The following PCDHB10 variants were observed in gnomAD, a reference collection of about 807,000 sequenced individuals.
PCDHB10 encodes protocadherin beta-10.
For synonymous variants in PCDHB10, 448 were observed against 449.2 expected, an observed-to-expected ratio of 1.00 and a Z score of 0.04; for missense variants, 1,046 against 1,004.7, an observed-to-expected ratio of 1.04 and a Z score of -0.56.
At position 141,194,882 on chromosome 5, in the gene PCDHB10, AG is replaced by A. The variant is rs1554284553; in HGVS notation, c.2332del (p.Ala778HisfsTer28). 6.2e-7 allele frequency: 1 copy of A among 1,614,114 alleles called. No homozygotes were observed. Among genetic ancestry groups the A allele is most frequent in the South Asian group, 1.1e-5 (1 of 91,078 alleles). On this transcript the variant is annotated frameshift_variant, in exon 1 of 1. Coordinates refer to ENST00000239446, the MANE Select transcript of PCDHB10 (RefSeq NM_018930.4). LOFTEE classifies it low-confidence loss of function (END_TRUNC). ...KFLKPVISDI[Q>X]AQGPGRKGEE... Reference sequence around the variant, plus strand: ...TTGAAACCAGTTATTTCGGATATTCAGGCACAGGGCCCTGGGAGGAAGGGTG... The same window carrying A: ...TTGAAACCAGTTATTTCGGATATTCAGCACAGGGCCCTGGGAGGAAGGGTG...
rs1200209268 is a variant in PCDHB10 at position 141,194,867 on chromosome 5, T to G, written c.2315T>G (p.Val772Gly). Reference sequence around the variant, plus strand: ...AGTGAGTTCAAGTTCTTGAAACCAGTTATTTCGGATATTCAGGCACAGGGC... The same window carrying G: ...AGTGAGTTCAAGTTCTTGAAACCAGGTATTTCGGATATTCAGGCACAGGGC... ...GTSEFKFLKP[V>G]ISDIQAQGPG... The change falls in exon 1 of 1, where the codon GTT becomes GGT. Residue 772 changes from valine to glycine, a missense_variant. Coordinates refer to ENST00000239446, the MANE Select transcript of PCDHB10 (RefSeq NM_018930.4). 1.5e-5 allele frequency: 25 copies of G among 1,614,068 alleles called. No homozygotes were observed. Among genetic ancestry groups the G allele is most frequent in the Non-Finnish European group, 2.0e-5 (24 of 1,180,036 alleles).
rs1394745683 is a variant in PCDHB10, at chr5:141,192,507, G to A, written c.-46G>A. 2 of 1,587,884 alleles carry A rather than the reference G, an allele frequency of 1.3e-6. No individual in the cohort carries two copies. The highest frequency in any genetic ancestry group is 1.7e-6 in the Non-Finnish European group (2 of 1,167,992). On this transcript the variant is annotated 5_prime_UTR_variant, in exon 1 of 1. Coordinates refer to ENST00000239446, the MANE Select transcript of PCDHB10 (RefSeq NM_018930.4). ...TTTCCTACTGCTGTTCTTTTATGCT[G>A]GGAGCTGTGGCTGTAACCAACTAGG...
chr5:141,194,965 T>C lies in PCDHB10; in HGVS notation c.*10T>C, dbSNP rs782794656. On this transcript the variant is annotated 3_prime_UTR_variant, in exon 1 of 1. Transcript: ENST00000239446. ...ATTTAATATTCAGTAAAGTCTGTTT[T>C]TAGTTTCATATACTTTTGGTGTGTT... The C allele has an allele frequency of 5.4e-5, 86 of 1,578,668 alleles. No homozygotes were observed. In the Admixed American group the frequency reaches 1.5e-3, roughly 27 times the overall value.
chr5:141,195,072 A>G lies in PCDHB10; in HGVS notation c.*117A>G, dbSNP rs928798922. ...ACTTCAAGCATTATTTTCAAGTAGT[A>G]TACCCCTGTGGTTTTACAATGTTTC... On this transcript the variant is annotated 3_prime_UTR_variant, in exon 1 of 1. Transcript: ENST00000239446. 1 of 1,112,850 alleles carries G rather than the reference A, an allele frequency of 9.0e-7. No individual in the cohort carries two copies. The highest frequency in any genetic ancestry group is 1.3e-6 in the Non-Finnish European group (1 of 796,596). The allele number at this position is 1,112,850 out of a possible 1,614,324, so 68.9% of individuals were successfully genotyped here. A position where few individuals can be genotyped will look rare whatever the true frequency, so the allele number is the denominator to read the frequency against.
rs782384506 is a variant in PCDHB10 at position 141,193,882 on chromosome 5, G to A, written c.1330G>A (p.Val444Ile). ...CAACATAACGGTCCTGGTCTCCGAC[G>A]TCAATGACAACGCCCCCGCCTTCAC... Reference protein sequence around the residue: ...EHNITVLVSDVNDNAPAFTQT... With the variant: ...EHNITVLVSDINDNAPAFTQT... Residue 444 changes from valine (V) to isoleucine (I), a missense_variant, in exon 1 of 1, where the codon GTC (valine) becomes ATC (isoleucine). Coordinates refer to ENST00000239446, the MANE Select transcript of PCDHB10 (RefSeq NM_018930.4). 5.6e-6 allele frequency: 9 copies of A among 1,613,760 alleles called. No individual in the cohort carries two copies. The highest frequency in any genetic ancestry group is 3.3e-5 in the South Asian group (3 of 91,058).
In PCDHB10 at chr5:141,193,166, A is replaced by T. The variant is rs1554283989; in HGVS notation, c.614A>T (p.Gln205Leu). 1 of 1,614,030 alleles carries T rather than the reference A, an allele frequency of 6.2e-7. No individual in the cohort carries two copies. The highest frequency in any genetic ancestry group is 8.5e-7 in the Non-Finnish European group (1 of 1,180,034). Residue 205 changes from glutamine (Q) to leucine (L), a missense_variant, in exon 1 of 1, where the codon CAG (glutamine) becomes CTG (leucine). Coordinates refer to ENST00000239446, the MANE Select transcript of PCDHB10 (RefSeq NM_018930.4). ...VLDKALDREE[Q>L]GELSLTLTAL... The stretch of plus-strand genomic sequence containing the variant: ...GACAAAGCACTGGATCGGGAGGAGC[A>T]GGGAGAGCTCAGCTTAACCCTCACA...
In PCDHB10 at chr5:141,193,316, GC is replaced by G; in HGVS notation, c.768del (p.Ile257LeufsTer13). 6.2e-7 allele frequency: 1 copy of G among 1,614,066 alleles called. No homozygotes were observed. Among genetic ancestry groups the G allele is most frequent in the Non-Finnish European group, 8.5e-7 (1 of 1,179,996 alleles). On this transcript the variant is annotated frameshift_variant, in exon 1 of 1. Transcript: ENST00000239446. LOFTEE classifies it low-confidence loss of function (END_TRUNC). ...TATGAGACCCAGGCTCCAGAAAACA[GC>G]CCCATTGGGTTCCTTATTGTTAAGG... Reference protein sequence around the residue: ...ALYETQAPENSPIGFLIVKVW... With the variant: ...ALYETQAPENXPIGFLIVKVW...
Position 141,194,217 on chromosome 5 carries a change from C to G in PCDHB10, c.1665C>G (p.Asn555Lys), listed in dbSNP as rs549814048. The change falls in exon 1 of 1, where the codon AAC (asparagine) becomes AAG (lysine). Residue 555 changes from asparagine (N) to lysine (K), a missense_variant. Coordinates refer to ENST00000239446, the MANE Select transcript of PCDHB10 (RefSeq NM_018930.4). ...TGCGCGTGCTGGTGCTGGACGCCAA[C>G]GACAACTCGCCCTTCGTGCTGTACC... The part of the protein sequence containing the change: ...ALVRVLVLDA[N>K]DNSPFVLYPL... The G allele has an allele frequency of 4.4e-6, 7 of 1,603,754 alleles. No homozygotes were observed. The South Asian group carries it at 6.6e-5, about 15-fold the overall frequency.
Position 141,192,381 on chromosome 5 carries a change from A to G in PCDHB10, c.-172A>G, listed in dbSNP as rs184607678. The G allele has an allele frequency of 1.5e-4, 120 of 783,226 alleles. No homozygotes were observed. In the East Asian group the frequency reaches 2.6e-3, roughly 17 times the overall value. 48.5% of individuals were successfully genotyped at this position (783,226 alleles called of 1,614,324 possible). A position where few individuals can be genotyped will look rare whatever the true frequency, so the allele number is the denominator to read the frequency against. ...TGCTATGCAAGTCACTAATAAAGGA[A>G]GACACGGACAGATGAACTTAAAAGA... is the stretch of plus-strand genomic sequence containing the variant. On this transcript the variant is annotated 5_prime_UTR_variant, in exon 1 of 1. Coordinates refer to ENST00000239446, the MANE Select transcript of PCDHB10 (RefSeq NM_018930.4).
rs1753980064 is a variant in PCDHB10, at chr5:141,193,991, C to CAGA, written c.1439_1440insAGA (p.Ser480_Gly481insGlu). On this transcript the variant is annotated inframe_insertion, in exon 1 of 1. Transcript: ENST00000239446. The stretch of plus-strand genomic sequence containing the variant: ...AGCGTCAGCGCCACAGACAGAGACT[C>CAGA]GGGCACCAACGCCCAGGTCACCTAC... 6.2e-7 allele frequency: 1 copy of CAGA among 1,609,754 alleles called. No homozygotes were observed. Among genetic ancestry groups the CAGA allele is most frequent in the African/African-American group, 1.3e-5 (1 of 74,690 alleles).
rs1554284122 is a variant in PCDHB10, at chr5:141,193,613, A to T, written c.1061A>T (p.Asn354Ile). The T allele has an allele frequency of 6.2e-7, 1 of 1,613,732 alleles. No homozygotes were observed. The highest frequency in any genetic ancestry group is 8.5e-7 in the Non-Finnish European group (1 of 1,179,990). Residue 354 changes from asparagine to isoleucine, a missense_variant, in exon 1 of 1, where the codon AAC becomes ATC. Transcript: ENST00000239446. ...GAACTGATCGTATCATCATTTTCCA[A>T]CTCTGTTGCTGAGAATTCTCCTGAG... Reference protein sequence around the residue: ...PPELIVSSFSNSVAENSPETP... With the variant: ...PPELIVSSFSISVAENSPETP...
At position 141,193,987 on chromosome 5, in the gene PCDHB10, G is replaced by C. The variant is rs781938775; in HGVS notation, c.1435G>C (p.Asp479His). 4 of 1,610,262 alleles carry C rather than the reference G, an allele frequency of 2.5e-6. No homozygotes were observed. In the African/African-American group the frequency reaches 4.0e-5, roughly 16 times the overall value. The change falls in exon 1 of 1, where the codon GAC becomes CAC. Residue 479 changes from aspartate to histidine, a missense_variant. Physicochemically the swap from Asp to His is moderately conservative, Grantham distance 81. Coordinates refer to ENST00000239446, the MANE Select transcript of PCDHB10 (RefSeq NM_018930.4). The part of the protein sequence containing the change: ...HIGSVSATDR[D>H]SGTNAQVTYS... The stretch of plus-strand genomic sequence containing the variant: ...CGGCAGCGTCAGCGCCACAGACAGA[G>C]ACTCGGGCACCAACGCCCAGGTCAC...
chr5:141,194,468 G>A lies in PCDHB10; in HGVS notation c.1916G>A (p.Arg639Lys). 10 of 1,600,576 alleles carry A rather than the reference G, an allele frequency of 6.2e-6. No individual in the cohort carries two copies. The highest frequency in any genetic ancestry group is 7.6e-6 in the Non-Finnish European group (9 of 1,178,410). Residue 639 changes from arginine to lysine, a missense_variant, in exon 1 of 1, where the codon AGG becomes AAG. Arg to Lys is a conservative substitution (Grantham distance 26, BLOSUM62 2). Coordinates refer to ENST00000239446, the MANE Select transcript of PCDHB10 (RefSeq NM_018930.4). ...AGCGAGCGCGACGCAGCCAAGCACAGGCTCGTGGTGCTTGTCAAGGACAAT... is the reference window on the plus strand; with the variant it reads ...AGCGAGCGCGACGCAGCCAAGCACAAGCTCGTGGTGCTTGTCAAGGACAAT... ...LLSERDAAKH[R>K]LVVLVKDNGE...
chr5:141,193,540 A>C lies in PCDHB10; in HGVS notation c.988A>C (p.Arg330=), dbSNP rs1753960890. The C allele has an allele frequency of 6.2e-7, 1 of 1,614,074 alleles. No homozygotes were observed. The highest frequency in any genetic ancestry group is 1.3e-5 in the African/African-American group (1 of 74,914). Residue 330 remains arginine (R), a synonymous_variant, in exon 1 of 1, where the codon AGA becomes CGA. Coordinates refer to ENST00000239446, the MANE Select transcript of PCDHB10 (RefSeq NM_018930.4). ...AATGGACGGTGGAGGCCTTTCTGCA[A>C]GATGTAGGGTTTTAGTGGAAGTATT... ...QAMDGGGLSA[R]CRVLVEVLDT...
At position 141,194,476 on chromosome 5, in the gene PCDHB10, G is replaced by A. The variant is rs1554284417; in HGVS notation, c.1924G>A (p.Val642Met). The A allele has an allele frequency of 3.1e-6, 5 of 1,596,970 alleles. No individual in the cohort carries two copies. The highest frequency in any genetic ancestry group is 4.2e-6 in the Non-Finnish European group (5 of 1,177,190). ...CGACGCAGCCAAGCACAGGCTCGTG[G>A]TGCTTGTCAAGGACAATGGCGAGCC... ...ERDAAKHRLV[V>M]LVKDNGEPPR... The change falls in exon 1 of 1, where the codon GTG becomes ATG. Residue 642 changes from valine to methionine, a missense_variant. Val to Met is a conservative substitution (Grantham distance 21). Transcript: ENST00000239446.
At position 141,194,585 on chromosome 5, in the gene PCDHB10, C is replaced by G; in HGVS notation, c.2033C>G (p.Pro678Arg). 1.0e-5 allele frequency: 16 copies of G among 1,561,378 alleles called. 2 individuals are homozygous for G. Among genetic ancestry groups the G allele is most frequent in the Non-Finnish European group, 1.1e-5 (13 of 1,161,688 alleles). ...TACCTGCCTCTCCCGGAGGCGGCCC[C>G]GGCCCAGGCCCAGGCCGAGGCCGAC... ...QPYLPLPEAA[P>R]AQAQAEADLL... The change falls in exon 1 of 1, where the codon CCG becomes CGG. Residue 678 changes from proline (P) to arginine (R), a missense_variant. Pro to Arg is a moderately radical substitution (Grantham distance 103). Transcript: ENST00000239446.
At position 141,192,583 on chromosome 5, in the gene PCDHB10, C is replaced by T. The variant is rs3733689; in HGVS notation, c.31C>T (p.Gln11Ter). ...TGTCAGAGAGTTGTGCTTCCCAAGACAAAGGCAAGTCCTGTTTCTTTTTCT... is the reference window on the plus strand; with the variant it reads ...TGTCAGAGAGTTGTGCTTCCCAAGATAAAGGCAAGTCCTGTTTCTTTTTCT... MAVRELCFPRQRQVLFLFLFW... is the reference protein window; with the variant it reads MAVRELCFPR The change falls in exon 1 of 1, where the codon CAA becomes TAA. Residue 11 changes from glutamine (Q) to a stop codon, truncating the protein, a stop_gained. Transcript: ENST00000239446. LOFTEE classifies it low-confidence loss of function (END_TRUNC). The T allele has an allele frequency of 6.3e-5, 101 of 1,614,042 alleles. 1 individual carries two copies. The East Asian group carries it at 2.0e-3, about 32-fold the overall frequency.
At position 141,193,252 on chromosome 5, in the gene PCDHB10, G is replaced by A. The variant is rs781936978; in HGVS notation, c.700G>A (p.Asp234Asn). 8.7e-6 allele frequency: 14 copies of A among 1,613,970 alleles called. No homozygotes were observed. Among genetic ancestry groups the A allele is most frequent in the Non-Finnish European group, 1.2e-5 (14 of 1,180,048 alleles). The part of the protein sequence containing the change: ...GTSTVRIVVL[D>N]VNDNAPQFAQ... Reference sequence around the variant, plus strand: ...CTCTACTGTACGCATCGTTGTCTTGGACGTCAATGACAATGCCCCACAGTT... The same window carrying A: ...CTCTACTGTACGCATCGTTGTCTTGAACGTCAATGACAATGCCCCACAGTT... The change falls in exon 1 of 1, where the codon GAC becomes AAC. Residue 234 changes from aspartate to asparagine, a missense_variant. Transcript: ENST00000239446.
At position 141,192,731 on chromosome 5, in the gene PCDHB10, C is replaced by T; in HGVS notation, c.179C>T (p.Ala60Val). 2 of 1,611,558 alleles carry T rather than the reference C, an allele frequency of 1.2e-6. No individual in the cohort carries two copies. Among genetic ancestry groups the T allele is most frequent in the Non-Finnish European group, 1.7e-6 (2 of 1,178,376 alleles). The part of the protein sequence containing the change: ...KDLGLAEGEL[A>V]ARGTRVVSDD... ...CTGGGACTAGCAGAGGGGGAGCTGG[C>T]TGCAAGGGGAACCAGGGTGGTTTCC... Residue 60 changes from alanine (A) to valine (V), a missense_variant, in exon 1 of 1, where the codon GCT (alanine) becomes GTT (valine). Ala to Val is a moderately conservative substitution (Grantham distance 64, BLOSUM62 0). Coordinates refer to ENST00000239446, the MANE Select transcript of PCDHB10 (RefSeq NM_018930.4).
Sources: gnomAD v4.1 joint callset for allele counts on GRCh38, gnomAD v4.1.1 for gene constraint, MANE v1.5 for transcripts, NCBI Gene and HGNC (gene_info 2026-07-23, HGNC 2026-07-21) for gene names.